CBFA2T3: variants seen among roughly 807,000 people sequenced by gnomAD.
The protein encoded by CBFA2T3 is transcriptional corepressor CBFA2T3.
CBFA2T3 carries 31 observed loss-of-function variants against 58.6 expected under a neutral mutation model. The observed-to-expected ratio is 0.53, with a 90% CI of 0.40 to 0.71. The LOEUF is 0.71. CBFA2T3 is among the 30% of genes least tolerant of loss of function. The pLI, the probability that CBFA2T3 is intolerant of heterozygous loss-of-function variation, is 0.00. For missense variants in CBFA2T3, 1,076 were observed against 963.1 expected (o/e 1.12, Z -1.55); for synonymous variants, 531 against 421.9 (o/e 1.26, Z -3.17).
chr16:88,895,124 G>T (rs1969833463), intron 3 of CBFA2T3, among the ~76,000 whole-genome samples: 1 of 152,178 alleles, frequency 6.6e-6, no homozygotes, highest in Non-Finnish European at 1.5e-5. Context: ...CCACAGCTGG[G>T]GCTCCGGCTA....
intron 5 of CBFA2T3, among the ~76,000 whole-genome samples, chr16:88,891,628 A>T (rs566430960): frequency 6.6e-6 from 1 of 152,318 alleles, no homozygotes; most frequent in Non-Finnish European, 1.5e-5. Context: ...AAGGGCTGAT[A>T]ATCATCCGGT....
chr16:88,944,814 C>T (rs1204371949), intron 1 of CBFA2T3, among the ~76,000 whole-genome samples: 1 of 152,252 alleles, frequency 6.6e-6, no homozygotes, highest in Non-Finnish European at 1.5e-5. Context: ...AAAGGGCAGG[C>T]GCTAGGCCCT....
intron 1 of CBFA2T3, among the ~76,000 whole-genome samples, chr16:88,943,699 C>T (rs1337382555): frequency 6.6e-6 from 1 of 152,184 alleles, no homozygotes; most frequent in African/African-American, 2.4e-5. Context: ...TCCCGGAACG[C>T]CCATTTTACA....
chr16:88,882,155 C>T (rs1969111552), intron 8 of CBFA2T3, among the ~76,000 whole-genome samples: 1 of 152,234 alleles, frequency 6.6e-6, no homozygotes, highest in Non-Finnish European at 1.5e-5. Flanking sequence ...GTGAAGGACC[C>T]AGCCGCTGCG....
intron 7 of CBFA2T3, chr16:88,883,706 T>G (rs1192614020): frequency 2.7e-5 from 4 of 147,284 alleles, no homozygotes; most frequent in Admixed American, 2.7e-4. Context: ...AGTGGCCGAC[T>G]TCCACGGTGG....
At chr16:88,892,908 G>A (rs1202701966) in intron 3 of CBFA2T3, among the ~76,000 whole-genome samples, 1 of 152,210 alleles carries the variant, frequency 6.6e-6, no homozygotes, top group East Asian at 1.9e-4. Context: ...GCTGAAGTCA[G>A]GCCCTTCACA....
intron 1 of CBFA2T3, among the ~76,000 whole-genome samples, chr16:88,923,832 C>T (rs1252320578): frequency 6.6e-6 from 1 of 152,192 alleles, no homozygotes; most frequent in Non-Finnish European, 1.5e-5. Flanking sequence ...GCCGAACCCA[C>T]CCCCGAGGAC....
At chr16:88,925,480 G>T in intron 1 of CBFA2T3, among the ~76,000 whole-genome samples, 1 of 152,164 alleles carries the variant, frequency 6.6e-6, no homozygotes, top group East Asian at 1.9e-4. Context: ...CCTGTGCCAG[G>T]CAGCCAGAGA....
chr16:88,917,362 C>A (rs956223497), intron 1 of CBFA2T3, among the ~76,000 whole-genome samples: 1 of 149,426 alleles, frequency 6.7e-6, no homozygotes, highest in African/African-American at 2.4e-5. Flanking sequence ...GGAGGGCCTG[C>A]CCCGGGGAGG....
chr16:88,912,141 C>A lies in CBFA2T3; in HGVS notation c.152-10485G>T, dbSNP rs922691769. On this transcript the variant is annotated intron_variant, in intron 1 of 11. Transcript: ENST00000268679. ...GCCGGCCTCTGCCTGCAGGCTGGGCCCACCCGCGCCTCCCCAACCCACTAC... is the reference window on the plus strand; with the variant it reads ...GCCGGCCTCTGCCTGCAGGCTGGGCACACCCGCGCCTCCCCAACCCACTAC... Among the ~76,000 whole-genome samples, 81 of 152,238 alleles carry A rather than the reference C, an allele frequency of 5.3e-4. 4 individuals carry two copies.
Position 88,891,935 on chromosome 16 carries a change from G to C in CBFA2T3, c.658C>G (p.Leu220Val). 2 of 1,613,488 alleles carry C rather than the reference G, an allele frequency of 1.2e-6. No homozygotes were observed. The highest frequency in any genetic ancestry group is 1.7e-6 in the Non-Finnish European group (2 of 1,179,908). Residue 220 changes from leucine to valine, a missense_variant, in exon 5 of 12, where the codon CTT (leucine) becomes GTT (valine). Physicochemically the swap from Leu to Val is conservative, Grantham distance 32 (BLOSUM62 1). Coordinates refer to ENST00000268679, the MANE Select transcript of CBFA2T3 (RefSeq NM_005187.6). ...TLTIEEFHSKLQEATNFPLRP... is the reference protein window; with the variant it reads ...TLTIEEFHSKVQEATNFPLRP... ...AGAGGGAAGTTGGTGGCCTCCTGAA[G>C]CTTGGAATGAAACTCCTCGATCGTC...
In CBFA2T3 at chr16:88,875,566, G is replaced by A. The variant is rs1407255382; in HGVS notation, c.*1410C>T. The A allele has an allele frequency of 2.1e-5, 5 of 233,962 alleles. No individual in the cohort carries two copies. Among genetic ancestry groups the A allele is most frequent in the Middle Eastern group, 1.3e-3 (1 of 790 alleles). 14.5% of individuals were successfully genotyped at this position (233,962 alleles called of 1,614,324 possible). A position where few individuals can be genotyped will look rare whatever the true frequency, so the allele number is the denominator to read the frequency against. The stretch of plus-strand genomic sequence containing the variant: ...GAAAGGGGAGTAGCTGCGGTGGGGC[G>A]ATGGGGCCGAGAGGTTGGAGTTGGG... On this transcript the variant is annotated 3_prime_UTR_variant, in exon 12 of 12. Coordinates refer to ENST00000268679, the MANE Select transcript of CBFA2T3 (RefSeq NM_005187.6).
chr16:88,966,159 G>T (rs1046325453), intron 1 of CBFA2T3, among the ~76,000 whole-genome samples: 1 of 152,214 alleles, frequency 6.6e-6, no homozygotes, highest in African/African-American at 2.4e-5. Flanking sequence ...TCTGCTCTGA[G>T]GGTCACTCTG....
chr16:88,891,996 C>T (rs773259307), intron 4 of CBFA2T3, 25 bp from the exon 5 acceptor site: 35 of 1,582,656 alleles, frequency 2.2e-5, no homozygotes, highest in Non-Finnish European at 2.9e-5. Flanking sequence ...ACCCACCTCA[C>T]ATCAGCACCG....
intron 1 of CBFA2T3, among the ~76,000 whole-genome samples, chr16:88,925,825 T>C (rs1971068560): frequency 6.6e-6 from 1 of 152,188 alleles, no homozygotes; most frequent in Non-Finnish European, 1.5e-5. Context: ...GGCTGCGGCA[T>C]AGGGAGCCCC....
rs143983197 is a variant in CBFA2T3 at position 88,885,292 on chromosome 16, C to T, written c.894-23G>A. 2.6e-4 allele frequency: 390 copies of T among 1,494,860 alleles called. 1 individual carries two copies. The African/African-American group carries it at 5.0e-3, about 19-fold the overall frequency. 92.6% of individuals were successfully genotyped at this position (1,494,860 alleles called of 1,614,324 possible). On this transcript the variant is annotated intron_variant, in intron 6 of 11. Coordinates refer to ENST00000268679, the MANE Select transcript of CBFA2T3 (RefSeq NM_005187.6). This position sits in a 1 kb window ranked among gnomAD's most constrained non-coding sequence, Gnocchi z 5.3. ...GTCCTAGCCCCAAGAGCAGGTGGGGCGAGGGCAGTGGACATAGGATGAACC... is the reference window on the plus strand; with the variant it reads ...GTCCTAGCCCCAAGAGCAGGTGGGGTGAGGGCAGTGGACATAGGATGAACC...
chr16:88,959,353 C>T (rs1972306283), intron 1 of CBFA2T3, among the ~76,000 whole-genome samples: 1 of 152,088 alleles, frequency 6.6e-6, no homozygotes. Context: ...GTAGTCCTGG[C>T]GATGATGGTG....
intron 5 of CBFA2T3, chr16:88,886,388 T>A: frequency 5.2e-6 from 2 of 383,256 alleles, no homozygotes; most frequent in Non-Finnish European, 9.3e-6. Flanking sequence ...ATGTGGGGCA[T>A]GTGGGACTTG....
intron 1 of CBFA2T3, among the ~76,000 whole-genome samples, chr16:88,959,668 G>T (rs1014290348): frequency 1.3e-5 from 2 of 152,236 alleles, no homozygotes; most frequent in African/African-American, 4.8e-5. Flanking sequence ...CCTCCCAGCA[G>T]CTGGGAAAGG....
Sources: allele counts gnomAD v4.1 joint callset (sites outside exome capture counted in the v4.1 genomes callset), GRCh38; gene constraint gnomAD v4.1.1; non-coding constraint Gnocchi (gnomAD v3.1); transcripts MANE v1.5; gene names NCBI Gene and HGNC (gene_info 2026-07-23, HGNC 2026-07-21).